Variants in ASIC5 observed in about 807,000 individuals in gnomAD.
ASIC5 encodes acid sensing ion channel subunit family member 5, also known as bile acid-sensitive ion channel.
In ASIC5, 52 loss-of-function variants were observed where a neutral mutation model predicts 51.2. That is an observed-to-expected ratio of 1.02 (90% CI 0.81 to 1.28). ASIC5 has a LOEUF of 1.28. Ranked by LOEUF, ASIC5 falls within the 50% of genes most tolerant of loss-of-function variation. ASIC5 has a pLI of 0.00. For missense variants in ASIC5, 635 were observed against 595.0 expected, an observed-to-expected ratio of 1.07 and a Z score of -0.70; for synonymous variants, 231 against 200.7, an observed-to-expected ratio of 1.15 and a Z score of -1.28.
intron 1 of ASIC5, chr4:155,864,693 T>C (rs1362176420): frequency 3.3e-5 from 5 of 152,168 alleles, no homozygotes; most frequent in Non-Finnish European, 7.4e-5. Flanking sequence ...ATCTGCCTTA[T>C]GAATTTGTTG....
chr4:155,843,591 A>G (rs1741170443), intron 5 of ASIC5, 90 bp downstream of exon 5: 5 of 1,426,548 alleles, frequency 3.5e-6, no homozygotes, highest in Non-Finnish European at 3.8e-6. Flanking sequence ...TTTTACAGGC[A>G]TGGGAGAAAG....
chr4:155,850,330 T>C (rs186793649), intron 4 of ASIC5, among the ~76,000 whole-genome samples: 1 of 152,098 alleles, frequency 6.6e-6, no homozygotes, highest in Non-Finnish European at 1.5e-5. Context: ...CTGCTTCAAG[T>C]TGTCCCCACC....
intron 8 of ASIC5, among the ~76,000 whole-genome samples, chr4:155,835,540 T>C (rs950432755): frequency 6.6e-6 from 1 of 152,232 alleles, no homozygotes; most frequent in African/African-American, 2.4e-5. Flanking sequence ...TAAGTAATTA[T>C]GAAACTCAGG....
rs754541582 is a variant in ASIC5 at position 155,863,771 on chromosome 4, T to TA, written c.41-18dup. On this transcript the variant is annotated splice_polypyrimidine_tract_variant and intron_variant, in intron 1 of 9. Transcript: ENST00000537611. ...CTAAGAGTCCTTAAGGTTTTGCCCA[T>TA]AAAATGATTAAACAAAAAAAAGTAA... is the stretch of plus-strand genomic sequence containing the variant. 7.6e-6 allele frequency: 12 copies of TA among 1,575,174 alleles called. No homozygotes were observed. In the South Asian group the frequency reaches 1.3e-4, roughly 17 times the overall value.
In ASIC5 at chr4:155,854,198, GTAGCCTCTC is replaced by G; in HGVS notation, c.455_463del (p.Arg152_Ala154del). 1 of 1,613,360 alleles carries G rather than the reference GTAGCCTCTC, an allele frequency of 6.2e-7. No individual in the cohort carries two copies. Among genetic ancestry groups the G allele is most frequent in the South Asian group, 1.1e-5 (1 of 91,076 alleles). ...GTTTTGGTGACTTGCAGCAAAATCA[GTAGCCTCTC>G]TAGAGCCAGTGGAATTGGCAGTAAT... On this transcript the variant is annotated inframe_deletion, in exon 3 of 10. Coordinates refer to ENST00000537611, the MANE Select transcript of ASIC5 (RefSeq NM_017419.3).
In ASIC5 at chr4:155,831,817, C is replaced by A; in HGVS notation, c.1327+7G>T. The A allele has an allele frequency of 6.5e-7, 1 of 1,532,258 alleles. No homozygotes were observed. Among genetic ancestry groups the A allele is most frequent in the Non-Finnish European group, 9.0e-7 (1 of 1,107,632 alleles). The allele number at this position is 1,532,258 out of a possible 1,614,324, so 94.9% of individuals were successfully genotyped here. ...AATAAAATAAGGAGCAATTAAATAA[C>A]ACTTACCAAGTAACTCAGACACACT... On this transcript the variant is annotated splice_region_variant and intron_variant, in intron 9 of 9. Transcript: ENST00000537611.
intron 1 of ASIC5, 139 bp from the exon 2 acceptor site, chr4:155,863,893 C>A (rs549637621): frequency 4.2e-6 from 3 of 721,350 alleles, no homozygotes; most frequent in Middle Eastern, 3.9e-4. Flanking sequence ...AAAAATTCAT[C>A]TTTTGTTGCA....
At chr4:155,831,644 G>T (rs1740871948) in intron 9 of ASIC5, among the ~76,000 whole-genome samples, 180 bp downstream of exon 9, 1 of 152,130 alleles carries the variant, frequency 6.6e-6, no homozygotes, top group Non-Finnish European at 1.5e-5. Context: ...GGTGGCGGGT[G>T]CCTGTAGTCC....
intron 2 of ASIC5, among the ~76,000 whole-genome samples, chr4:155,860,983 A>AT (rs997503948): frequency 2.4e-4 from 36 of 150,960 alleles, no homozygotes; most frequent in African/African-American, 4.9e-4. Context: ...AGTATTTTCT[A>AT]TTTTTTTTGT....
At chr4:155,857,857 C>G (rs964034022) in intron 2 of ASIC5, among the ~76,000 whole-genome samples, 15 of 152,044 alleles carry the variant, frequency 9.9e-5, no homozygotes, top group African/African-American at 3.1e-4. Flanking sequence ...ACTAATGAAA[C>G]CTTTGTTGTG....
chr4:155,855,397 G>A (rs1324352565), intron 2 of ASIC5: 2 of 151,940 alleles, frequency 1.3e-5, no homozygotes, highest in South Asian at 2.1e-4. Flanking sequence ...TTAACTTAAC[G>A]ACTGTATCAC....
At chr4:155,851,608 C>A (rs1962684) in intron 4 of ASIC5, among the ~76,000 whole-genome samples, 110,442 of 151,748 alleles carry the variant, frequency 0.73, 43,325 homozygotes, top group Non-Finnish European at 0.87. Flanking sequence ...ATACTAGGAA[C>A]CCTTGAAGAA....
chr4:155,843,391 T>C (rs1057165441), intron 5 of ASIC5, among the ~76,000 whole-genome samples: 9 of 152,120 alleles, frequency 5.9e-5, no homozygotes, highest in Non-Finnish European at 1.0e-4. Context: ...GATAGTCTCA[T>C]TGAAGAATCA....
At chr4:155,853,863 T>C (rs531034623) in intron 3 of ASIC5, among the ~76,000 whole-genome samples, 1 of 152,042 alleles carries the variant, frequency 6.6e-6, no homozygotes, top group Admixed American at 6.6e-5. Flanking sequence ...GTTTTCTCTT[T>C]TCTATCTTTC....
chr4:155,831,082 G>A (rs929991860), intron 9 of ASIC5, among the ~76,000 whole-genome samples: 1 of 152,156 alleles, frequency 6.6e-6, no homozygotes, highest in African/African-American at 2.4e-5. Context: ...TAGCCATTAT[G>A]TTTATTAGGG....
At position 155,854,303 on chromosome 4, in the gene ASIC5, T is replaced by A. The variant is rs751997617; in HGVS notation, c.359A>T (p.Asp120Val). Residue 120 changes from aspartate (D) to valine (V), a missense_variant, in exon 3 of 10, where the codon GAT becomes GTT. Coordinates refer to ENST00000537611, the MANE Select transcript of ASIC5 (RefSeq NM_017419.3). ...TFCNLNRFQT[D>V]AVAKFGVIFF... The stretch of plus-strand genomic sequence containing the variant: ...AATAACACCAAATTTGGCTACAGCA[T>A]CTGTTTGGAACCTATTAGCAGGAAT... 1 of 1,606,234 alleles carries A rather than the reference T, an allele frequency of 6.2e-7. No homozygotes were observed. The highest frequency in any genetic ancestry group is 1.1e-5 in the South Asian group (1 of 90,872).
At position 155,863,524 on chromosome 4, in the gene ASIC5, G is replaced by A. The variant is rs1741770437; in HGVS notation, c.271C>T (p.Pro91Ser). The A allele has an allele frequency of 1.2e-6, 2 of 1,613,554 alleles. No homozygotes were observed. The highest frequency in any genetic ancestry group is 1.7e-5 in the Admixed American group (1 of 59,892). ...TGAACCTCAATGGACGTTGTGGTTG[G>A]CCATGTGAAGTAGTTGAGCAAGCGA... ...YIRLLNYFTW[P>S]TTTSIEVQYV... is the part of the protein sequence containing the mutation. The change falls in exon 2 of 10, where the codon CCA (proline) becomes TCA (serine). Residue 91 changes from proline to serine, a missense_variant. By Grantham distance (74) the Pro-to-Ser change is moderately conservative (BLOSUM62 -1). Transcript: ENST00000537611.
chr4:155,855,902 G>A (rs537605594), intron 2 of ASIC5, among the ~76,000 whole-genome samples: 42 of 151,914 alleles, frequency 2.8e-4, no homozygotes, highest in African/African-American at 9.7e-4. Flanking sequence ...AATGCAGCCG[G>A]GCCTCCTCTT....
chr4:155,831,911 T>C lies in ASIC5; in HGVS notation c.1240A>G (p.Asn414Asp). ...LNQSRKYIRE[N>D]LVKIEINYSD... ...TAGTTAATTTCAATTTTTACAAGAT[T>C]CTCCCTAGGGATAAAAAAGAGAGTT... Residue 414 changes from asparagine to aspartate, a missense_variant, in exon 9 of 10, where the codon AAT becomes GAT. Transcript: ENST00000537611. The C allele has an allele frequency of 6.5e-7, 1 of 1,530,600 alleles. No homozygotes were observed. The highest frequency in any genetic ancestry group is 9.0e-7 in the Non-Finnish European group (1 of 1,107,358). The allele number at this position is 1,530,600 out of a possible 1,614,324, so 94.8% of individuals were successfully genotyped here. A position where few individuals can be genotyped will look rare whatever the true frequency, so the allele number is the denominator to read the frequency against.
Sources: gnomAD v4.1 joint callset for allele counts (sites outside exome capture counted in the v4.1 genomes callset) on GRCh38, gnomAD v4.1.1 for gene constraint, MANE v1.5 for transcripts, NCBI Gene and HGNC (gene_info 2026-07-23, HGNC 2026-07-21) for gene names.